FARP2: variants seen among roughly 807,000 people sequenced by gnomAD.
FARP2 encodes FERM, ARHGEF and pleckstrin domain-containing protein 2.
In FARP2, 111 loss-of-function variants were observed where a neutral mutation model predicts 130.5. That is an observed-to-expected ratio of 0.85 (90% CI 0.73 to 1.00). The LOEUF (loss-of-function observed/expected upper bound fraction) is 1.00, where lower values mean the gene tolerates loss of function less well. FARP2 is among the 50% of genes least tolerant of loss of function. FARP2 has a pLI of 0.00. For missense variants in FARP2, 1,385 were observed against 1,346.3 expected, an observed-to-expected ratio of 1.03 and a Z score of -0.45; for synonymous variants, 504 against 516.9, an observed-to-expected ratio of 0.98 and a Z score of 0.34.
At chr2:241,433,368 T>C (rs1458820425) in intron 9 of FARP2, among the ~76,000 whole-genome samples, 2 of 152,200 alleles carry the variant, frequency 1.3e-5, no homozygotes, top group Non-Finnish European at 2.9e-5. Flanking sequence ...TGTGCAGTCT[T>C]TGAGCTCAGA....
At position 241,492,926 on chromosome 2, in the gene FARP2, CAGAACCAG is replaced by C; in HGVS notation, c.2788-2_2793del. The C allele has an allele frequency of 1.9e-6, 3 of 1,588,252 alleles. No homozygotes were observed. Among genetic ancestry groups the C allele is most frequent in the Non-Finnish European group, 2.6e-6 (3 of 1,156,494 alleles). The stretch of plus-strand genomic sequence containing the variant: ...TGCACCTGCATTTTTCCTTTATTGA[CAGAACCAG>C]CTTTCAGGATATCTGCTAAGAAAGT... On this transcript the variant is annotated splice_acceptor_variant and coding_sequence_variant, in exon 25 of 27. Transcript: ENST00000264042. LOFTEE classifies it high-confidence loss of function.
At chr2:241,431,632 G>T in intron 8 of FARP2, 47 bp from the exon 9 acceptor site, 1 of 936,916 alleles carries the variant, frequency 1.1e-6, no homozygotes, top group Non-Finnish European at 1.8e-6. Flanking sequence ...TGAGAAAGGG[G>T]TTATGTGCCA....
intron 2 of FARP2, among the ~76,000 whole-genome samples, chr2:241,387,790 C>CAAAA (rs200728771): frequency 3.2e-5 from 3 of 93,884 alleles, no homozygotes; most frequent in Non-Finnish European, 6.5e-5. Flanking sequence ...GAGACTGTCT[C>CAAAA]AAAAAAAAAA....
intron 8 of FARP2, among the ~76,000 whole-genome samples, chr2:241,425,465 G>A (rs1484293501): frequency 1.3e-5 from 2 of 151,986 alleles, no homozygotes; most frequent in African/African-American, 2.4e-5. Context: ...GAAGACCCAA[G>A]AACTCCCAGG....
At chr2:241,372,507 C>T (rs1467592318) in intron 1 of FARP2, 2 of 152,220 alleles carry the variant, frequency 1.3e-5, no homozygotes, top group African/African-American at 2.4e-5. Context: ...CATTTTTCCT[C>T]AGCTGGAGTA....
In FARP2 at chr2:241,413,355, T is replaced by C. The variant is rs2150364630; in HGVS notation, c.557T>C (p.Val186Ala). The change falls in exon 7 of 27, where the codon GTG (valine) becomes GCG (alanine). Residue 186 changes from valine (V) to alanine (A), a missense_variant. Transcript: ENST00000264042. ...ACGCTGGACCGAGAGCACCTCAAAGTGAACGAGTATTTGCCTGGCCAGCAG... is the reference window on the plus strand; with the variant it reads ...ACGCTGGACCGAGAGCACCTCAAAGCGAACGAGTATTTGCCTGGCCAGCAG... ...DETLDREHLK[V>A]NEYLPGQQHC... The C allele has an allele frequency of 6.2e-7, 1 of 1,612,738 alleles. No individual in the cohort carries two copies. The highest frequency in any genetic ancestry group is 1.3e-5 in the African/African-American group (1 of 75,038).
At chr2:241,485,644 T>C (rs1278788556) in intron 21 of FARP2, among the ~76,000 whole-genome samples, 3 of 147,032 alleles carry the variant, frequency 2.0e-5, no homozygotes, top group African/African-American at 7.7e-5. Flanking sequence ...GAGTCCTCCC[T>C]CCCTGAGGTC....
intron 1 of FARP2, among the ~76,000 whole-genome samples, chr2:241,357,650 A>G (rs1489359550): frequency 1.3e-5 from 2 of 152,180 alleles, no homozygotes; most frequent in African/African-American, 4.8e-5. Flanking sequence ...GGGTACTTGC[A>G]AATACCATCT....
At chr2:241,374,907 G>T (rs1213564646) in intron 2 of FARP2, among the ~76,000 whole-genome samples, 2 of 152,154 alleles carry the variant, frequency 1.3e-5, no homozygotes, top group Non-Finnish European at 2.9e-5. Flanking sequence ...TGACTTTCCT[G>T]TAGGAAATAG....
intron 5 of FARP2, among the ~76,000 whole-genome samples, chr2:241,410,730 A>G (rs2062495294): frequency 6.6e-6 from 1 of 151,906 alleles, no homozygotes; most frequent in Non-Finnish European, 1.5e-5. Flanking sequence ...GCCCCTGGCC[A>G]ATTTCTTTTT....
intron 1 of FARP2, among the ~76,000 whole-genome samples, chr2:241,363,957 A>G (rs1313897475): frequency 6.6e-6 from 1 of 152,238 alleles, no homozygotes; most frequent in Non-Finnish European, 1.5e-5. Flanking sequence ...CTATGTTGGA[A>G]TTATCTGATA....
At chr2:241,407,037 T>A (rs1175654466) in intron 4 of FARP2, among the ~76,000 whole-genome samples, 1 of 151,244 alleles carries the variant, frequency 6.6e-6, no homozygotes, top group Non-Finnish European at 1.5e-5. Flanking sequence ...CTCGATCTCC[T>A]GACCTTGTGA....
chr2:241,381,010 C>G (rs1344859871), intron 2 of FARP2, among the ~76,000 whole-genome samples: 3 of 152,138 alleles, frequency 2.0e-5, no homozygotes, highest in Non-Finnish European at 2.9e-5. Flanking sequence ...GCCCTTACCC[C>G]CCTGATGGAA....
chr2:241,454,727 G>A (rs2302010), intron 13 of FARP2, among the ~76,000 whole-genome samples: 29,626 of 152,020 alleles, frequency 0.19, 3,246 homozygotes, highest in East Asian at 0.4. Flanking sequence ...TTAACTGAAG[G>A]TGTAATAAAA....
intron 13 of FARP2, among the ~76,000 whole-genome samples, chr2:241,453,627 A>G (rs2063745743): frequency 6.6e-6 from 1 of 151,960 alleles, no homozygotes; most frequent in Non-Finnish European, 1.5e-5. Context: ...GTCTCAAAAA[A>G]AAAAAAAGTA....
Position 241,441,440 on chromosome 2 carries a change from C to T in FARP2, c.1295C>T (p.Pro432Leu), listed in dbSNP as rs1247474874. 6.2e-7 allele frequency: 1 copy of T among 1,614,190 alleles called. No homozygotes were observed. Among genetic ancestry groups the T allele is most frequent in the Non-Finnish European group, 8.5e-7 (1 of 1,180,034 alleles). The change falls in exon 13 of 27, where the codon CCC (proline) becomes CTC (leucine). Residue 432 changes from proline to leucine, a missense_variant. Physicochemically the swap from Pro to Leu is moderately conservative, Grantham distance 98. Transcript: ENST00000264042. The part of the protein sequence containing the change: ...FKDSSSSLTD[P>L]QVSYVKSPAA... ...GACAGCAGCAGCTCCCTCACAGATC[C>T]CCAGGTTTCCTACGTCAAGAGTCCA...
Position 241,414,293 on chromosome 2 carries a change from T to C in FARP2, c.623+872T>C, listed in dbSNP as rs576887040. Among the ~76,000 whole-genome samples, 5 of 152,248 alleles carry C rather than the reference T, an allele frequency of 3.3e-5. No homozygotes were observed. In the East Asian group the frequency reaches 7.7e-4, roughly 24 times the overall value. On this transcript the variant is annotated intron_variant, in intron 7 of 26. Transcript: ENST00000264042. ...AGGGGAAAAGGATTGAAGAACGGTA[T>C]GGGAAAGGGCTCTGGGCTCTGGCCC...
At chr2:241,473,093 T>G (rs1280569218) in intron 18 of FARP2, among the ~76,000 whole-genome samples, 1 of 151,286 alleles carries the variant, frequency 6.6e-6, no homozygotes, top group Non-Finnish European at 1.5e-5. Context: ...GACCCTGTTC[T>G]GAGGTGGACG....
At position 241,475,732 on chromosome 2, in the gene FARP2, C is replaced by T. The variant is rs186817466; in HGVS notation, c.2132-125C>T. ...GTTGGGGACCGCTGCTATAAGGAGT[C>T]GAGTAGGATGTACCTCTAATTAGAA... is the stretch of plus-strand genomic sequence containing the variant. On this transcript the variant is annotated intron_variant, in intron 18 of 26. Transcript: ENST00000264042. The surrounding 1 kb of genome is among the most constrained non-coding windows in gnomAD (Gnocchi z 4.4). 2.4e-5 allele frequency: 19 copies of T among 788,770 alleles called. No homozygotes were observed. The highest frequency in any genetic ancestry group is 1.8e-4 in the African/African-American group (10 of 55,278). The allele number at this position is 788,770 out of a possible 1,614,324, so 48.9% of individuals were successfully genotyped here.
Sources: allele counts gnomAD v4.1 joint callset (sites outside exome capture counted in the v4.1 genomes callset), GRCh38; gene constraint gnomAD v4.1.1; non-coding constraint Gnocchi (gnomAD v3.1); transcripts MANE v1.5; gene names NCBI Gene and HGNC (gene_info 2026-07-23, HGNC 2026-07-21).